The following FOXN2 variants were observed in gnomAD, a reference collection of about 807,000 sequenced individuals.
FOXN2 encodes forkhead box protein N2.
In FOXN2, 19 loss-of-function variants were observed where a neutral mutation model predicts 41.2. That is an observed-to-expected ratio of 0.46 (90% CI 0.32 to 0.68). The LOEUF is 0.68. Ranked by LOEUF, FOXN2 falls within the 30% of genes least tolerant of loss-of-function variation. The pLI, the probability that FOXN2 is intolerant of heterozygous loss-of-function variation, is 0.03. For missense variants in FOXN2, 587 were observed against 509.4 expected, an observed-to-expected ratio of 1.15 and a Z score of -1.47; for synonymous variants, 195 against 176.8, an observed-to-expected ratio of 1.10 and a Z score of -0.82.
intron 2 of FOXN2, among the ~76,000 whole-genome samples, chr2:48,341,521 G>C (rs1180893317): frequency 1.3e-5 from 2 of 152,116 alleles, no homozygotes; most frequent in Non-Finnish European, 2.9e-5. Context: ...TATGAAATTT[G>C]TCACAAACAA....
At chr2:48,324,075 G>T (rs896020173) in intron 1 of FOXN2, among the ~76,000 whole-genome samples, 1 of 151,978 alleles carries the variant, frequency 6.6e-6, no homozygotes, top group Non-Finnish European at 1.5e-5. Flanking sequence ...ATTGTCATAT[G>T]TCATCAACTA....
chr2:48,334,821 T>C (rs1458022674), intron 2 of FOXN2, among the ~76,000 whole-genome samples: 1 of 152,326 alleles, frequency 6.6e-6, no homozygotes, highest in East Asian at 1.9e-4. Context: ...AAGAGTGATA[T>C]AGAAATTATT....
intron 2 of FOXN2, among the ~76,000 whole-genome samples, chr2:48,330,224 C>G (rs1371089419): frequency 6.6e-6 from 1 of 151,972 alleles, no homozygotes; most frequent in Admixed American, 6.6e-5. Flanking sequence ...GGCTTCCAGT[C>G]TTGAGAAATG....
intron 2 of FOXN2, among the ~76,000 whole-genome samples, chr2:48,331,806 G>GAAAAAAAAAA (rs771007828): frequency 1.0e-5 from 1 of 97,862 alleles, no homozygotes; most frequent in African/African-American, 3.9e-5. Context: ...GACAGAACCA[G>GAAAAAAAAAA]AAAAAAAAAA....
At chr2:48,362,531 T>C (rs1267707457) in intron 4 of FOXN2, 112 bp from the exon 5 acceptor site, 8 of 823,408 alleles carry the variant, frequency 9.7e-6, no homozygotes, top group Non-Finnish European at 1.6e-5. Context: ...ATCATGCCAC[T>C]GCACTCCAGC....
At position 48,375,612 on chromosome 2, in the gene FOXN2, G is replaced by A. The variant is rs1307478328; in HGVS notation, c.*169G>A. 3.3e-6 allele frequency: 2 copies of A among 614,472 alleles called. No homozygotes were observed. The highest frequency in any genetic ancestry group is 5.5e-6 in the Non-Finnish European group (2 of 362,222). 38.1% of individuals were successfully genotyped at this position (614,472 alleles called of 1,614,324 possible). A position where few individuals can be genotyped will look rare whatever the true frequency, so the allele number is the denominator to read the frequency against. ...AATTTTTATTAAACAATTGCTGTTA[G>A]GATCATGCCTGATCAGAAATACATG... On this transcript the variant is annotated 3_prime_UTR_variant, in exon 7 of 7. Coordinates refer to ENST00000340553, the MANE Select transcript of FOXN2 (RefSeq NM_002158.4).
intron 5 of FOXN2, among the ~76,000 whole-genome samples, chr2:48,371,220 A>G (rs1232307136): frequency 2.0e-5 from 3 of 152,102 alleles, no homozygotes; most frequent in Non-Finnish European, 4.4e-5. Context: ...CAACATGGTG[A>G]AATTCCATCT....
chr2:48,364,617 G>A (rs897473200), intron 5 of FOXN2, among the ~76,000 whole-genome samples: 3 of 152,138 alleles, frequency 2.0e-5, no homozygotes, highest in Non-Finnish European at 2.9e-5. Context: ...AGTAATATCA[G>A]TAGAGTTATT....
chr2:48,364,895 T>G (rs1374310361), intron 5 of FOXN2, among the ~76,000 whole-genome samples: 1 of 152,214 alleles, frequency 6.6e-6, no homozygotes, highest in Middle Eastern at 3.2e-3. Context: ...ACTGAAGAAG[T>G]TTGTCATCCC....
At chr2:48,325,326 A>G (rs1669588314) in intron 1 of FOXN2, among the ~76,000 whole-genome samples, 1 of 152,232 alleles carries the variant, frequency 6.6e-6, no homozygotes, top group African/African-American at 2.4e-5. Context: ...TAATACTAGT[A>G]AAGTATTTAC....
upstream of FOXN2, among the ~76,000 whole-genome samples, chr2:48,314,322 G>T (rs1668739984): frequency 6.6e-6 from 1 of 152,230 alleles, no homozygotes; most frequent in South Asian, 2.1e-4. Context: ...TCCTTCCTCG[G>T]ACATGCGAGG....
intron 2 of FOXN2, among the ~76,000 whole-genome samples, chr2:48,329,835 G>T (rs1198382000): frequency 6.6e-6 from 1 of 151,882 alleles, no homozygotes; most frequent in Non-Finnish European, 1.5e-5. Context: ...CCTTTTATAT[G>T]CCTTTTTTTT....
chr2:48,329,315 G>C (rs1669881939), intron 2 of FOXN2, among the ~76,000 whole-genome samples: 1 of 152,168 alleles, frequency 6.6e-6, no homozygotes, highest in Non-Finnish European at 1.5e-5. Flanking sequence ...GTGCAAGTTA[G>C]TATAGGAGAA....
At chr2:48,321,150 T>A (rs1303816146) in intron 1 of FOXN2, among the ~76,000 whole-genome samples, 1 of 152,198 alleles carries the variant, frequency 6.6e-6, no homozygotes, top group Non-Finnish European at 1.5e-5. Context: ...AATGAATGTA[T>A]TGAGTTCTGC....
intron 3 of FOXN2, among the ~76,000 whole-genome samples, chr2:48,356,541 G>T (rs1166966813): frequency 6.6e-6 from 1 of 152,076 alleles, no homozygotes; most frequent in Non-Finnish European, 1.5e-5. Flanking sequence ...GGGAAACATG[G>T]AATTAAATTT....
At chr2:48,340,711 G>A (rs548738251) in intron 2 of FOXN2, 4 of 152,012 alleles carry the variant, frequency 2.6e-5, no homozygotes, top group African/African-American at 9.6e-5. Flanking sequence ...GTCAAAAATT[G>A]CCAGTGCTGA....
rs1017534766 is a variant in FOXN2, at chr2:48,376,746, A to G, written c.*1303A>G. ...AATTTGATTAGATTATTCAGAAACA[A>G]TAGGATGCTAAACTAATTCATTGTA... On this transcript the variant is annotated 3_prime_UTR_variant, in exon 7 of 7. Coordinates refer to ENST00000340553, the MANE Select transcript of FOXN2 (RefSeq NM_002158.4). 2.0e-5 allele frequency: 3 copies of G among 152,518 alleles called. No homozygotes were observed. Among genetic ancestry groups the G allele is most frequent in the African/African-American group, 7.2e-5 (3 of 41,462 alleles). 9.4% of individuals were successfully genotyped at this position (152,518 alleles called of 1,614,324 possible).
At chr2:48,342,755 A>G (rs1165343198) in intron 2 of FOXN2, among the ~76,000 whole-genome samples, 1 of 152,154 alleles carries the variant, frequency 6.6e-6, no homozygotes, top group East Asian at 1.9e-4. Flanking sequence ...AGTGTTCTAT[A>G]AGGATAGTTT....
intron 5 of FOXN2, among the ~76,000 whole-genome samples, chr2:48,364,947 T>C (rs59629547): frequency 4.9e-4 from 75 of 152,320 alleles, no homozygotes; most frequent in African/African-American, 1.6e-3. Flanking sequence ...CTGTAGGTTA[T>C]TTAATCTGAA....
Sources: gnomAD v4.1 joint callset for allele counts (sites outside exome capture counted in the v4.1 genomes callset) on GRCh38, gnomAD v4.1.1 for gene constraint, MANE v1.5 for transcripts, NCBI Gene and HGNC (gene_info 2026-07-23, HGNC 2026-07-21) for gene names.